SEMA5A: variants seen among roughly 807,000 people sequenced by gnomAD.
The protein encoded by SEMA5A is semaphorin-5A.
In SEMA5A, 55 loss-of-function variants were observed where a neutral mutation model predicts 135.5. The ratio of observed to expected loss-of-function variants is 0.41; its 90% CI spans 0.33 to 0.51. The LOEUF (loss-of-function observed/expected upper bound fraction) is 0.51, where lower values mean the gene tolerates loss of function less well. Ranked by LOEUF, SEMA5A falls within the 20% of genes least tolerant of loss-of-function variation. The pLI, the probability that SEMA5A is intolerant of heterozygous loss-of-function variation, is 0.37. For synonymous variants in SEMA5A, 580 were observed against 546.5 expected (o/e 1.06, Z -0.85); for missense variants, 1,290 against 1,419.9 (o/e 0.91, Z 1.47).
At chr5:9,224,296 C>T (rs1275760085) in intron 8 of SEMA5A, among the ~76,000 whole-genome samples, 1 of 152,016 alleles carries the variant, frequency 6.6e-6, no homozygotes, top group African/African-American at 2.4e-5. Flanking sequence ...AAATTACATG[C>T]CATGTTAGTA....
intron 3 of SEMA5A, among the ~76,000 whole-genome samples, chr5:9,376,220 G>A (rs925900975): frequency 5.3e-5 from 8 of 151,994 alleles, no homozygotes; most frequent in South Asian, 2.1e-4. Context: ...AGGCACCTCC[G>A]AATCCCCACT....
At chr5:9,322,471 C>T (rs1462779928) in intron 4 of SEMA5A, among the ~76,000 whole-genome samples, 1 of 152,076 alleles carries the variant, frequency 6.6e-6, no homozygotes, top group Non-Finnish European at 1.5e-5. Context: ...TCACCACATC[C>T]AATACCCCAG....
intron 5 of SEMA5A, among the ~76,000 whole-genome samples, chr5:9,240,000 C>T (rs1748114580): frequency 1.3e-5 from 2 of 151,894 alleles, no homozygotes; most frequent in African/African-American, 2.4e-5. Context: ...CTACCTAATG[C>T]CCAAATAGCC....
Position 9,106,954 on chromosome 5 carries a change from G to T in SEMA5A, c.2073+1186C>A, listed in dbSNP as rs1464406537. On this transcript the variant is annotated intron_variant, in intron 16 of 22. Transcript: ENST00000382496. ...AATAACAGAAATCTCCTTGGGTCTG[G>T]TGTAATATCTGACAAAGAACCTCAT... Among the ~76,000 whole-genome samples the T allele has an allele frequency of 2.6e-5, 4 of 152,250 alleles. No individual in the cohort carries two copies. In the East Asian group the frequency reaches 7.7e-4, roughly 29 times the overall value.
intron 8 of SEMA5A, among the ~76,000 whole-genome samples, chr5:9,215,316 T>G (rs1216059576): frequency 1.3e-5 from 2 of 152,218 alleles, no homozygotes; most frequent in Non-Finnish European, 2.9e-5. Context: ...GAGTATTTCT[T>G]CCTTTGGACA....
intron 5 of SEMA5A, among the ~76,000 whole-genome samples, chr5:9,313,789 T>C (rs1225516704): frequency 6.6e-6 from 1 of 152,062 alleles, no homozygotes; most frequent in Non-Finnish European, 1.5e-5. Flanking sequence ...AGGAAGAAGA[T>C]AAATAGGGTG....
Position 9,242,995 on chromosome 5 carries a change from C to A in SEMA5A, c.271-5105G>T, listed in dbSNP as rs1004352014. On this transcript the variant is annotated intron_variant, in intron 5 of 22. Coordinates refer to ENST00000382496, the MANE Select transcript of SEMA5A (RefSeq NM_003966.3). The stretch of plus-strand genomic sequence containing the variant: ...GATTTTCTTTCACATAATAACACCA[C>A]ATTAAACTTACATTGATAAGGAACT... Among the ~76,000 whole-genome samples, 3 of 152,180 alleles carry A rather than the reference C, an allele frequency of 2.0e-5. No individual in the cohort carries two copies. The South Asian group carries it at 6.2e-4, about 31-fold the overall frequency.
intron 3 of SEMA5A, among the ~76,000 whole-genome samples, chr5:9,364,888 A>G (rs938867572): frequency 2.6e-5 from 4 of 152,202 alleles, no homozygotes; most frequent in African/African-American, 2.4e-5. Context: ...TCTTCTTTGT[A>G]TCTCAGAATT....
intron 2 of SEMA5A, among the ~76,000 whole-genome samples, chr5:9,396,497 C>A (rs1467705267): frequency 6.6e-6 from 1 of 152,064 alleles, no homozygotes; most frequent in Non-Finnish European, 1.5e-5. Flanking sequence ...CCAGAGGATA[C>A]CTCTGCATAC....
At position 9,137,798 on chromosome 5, in the gene SEMA5A, C is replaced by T. The variant is rs142301357; in HGVS notation, c.1482-1177G>A. ...TGATGAGTTGTTCATATTTATAATA[C>T]AAAATAATCATTGTTAAAACACCAA... On this transcript the variant is annotated intron_variant, in intron 12 of 22. Transcript: ENST00000382496. Among the ~76,000 whole-genome samples, 42 of 152,238 alleles carry T rather than the reference C, an allele frequency of 2.8e-4. No individual in the cohort carries two copies. In the East Asian group the frequency reaches 6.9e-3, roughly 25 times the overall value.
At chr5:9,282,881 C>T (rs1258525605) in intron 5 of SEMA5A, among the ~76,000 whole-genome samples, 1 of 152,078 alleles carries the variant, frequency 6.6e-6, no homozygotes, top group Non-Finnish European at 1.5e-5. Flanking sequence ...AGATTGCTGG[C>T]AGAATGAAGG....
rs999850163 is a variant in SEMA5A at position 9,093,431 on chromosome 5, G to A, written c.2073+14709C>T. ...AGCAAGCTAAAAGAACTGAATGGCC[G>A]GGCGTGGTAGCTCATGCCTATAATC... On this transcript the variant is annotated intron_variant, in intron 16 of 22. Transcript: ENST00000382496. Among the ~76,000 whole-genome samples, 6 of 152,170 alleles carry A rather than the reference G, an allele frequency of 3.9e-5. No individual in the cohort carries two copies. The South Asian group carries it at 6.2e-4, about 16-fold the overall frequency.
intron 3 of SEMA5A, among the ~76,000 whole-genome samples, chr5:9,372,592 C>T (rs1331535460): frequency 6.6e-6 from 1 of 152,052 alleles, no homozygotes; most frequent in Non-Finnish European, 1.5e-5. Flanking sequence ...GAACCATAGA[C>T]AAGCATGGAG....
intron 20 of SEMA5A, 114 bp downstream of exon 20, chr5:9,051,759 T>C: frequency 7.7e-7 from 1 of 1,306,020 alleles, no homozygotes; most frequent in South Asian, 1.4e-5. Context: ...TGGGGCTTGA[T>C]GGAATCATCT....
chr5:9,255,798 T>C (rs990342847), intron 5 of SEMA5A, among the ~76,000 whole-genome samples: 1 of 152,200 alleles, frequency 6.6e-6, no homozygotes, highest in Non-Finnish European at 1.5e-5. Flanking sequence ...CTGGAAAGTA[T>C]TAATTCTTCC....
chr5:9,353,319 G>GAAAGGAAAGGGAAGGAAAGGA (rs1561177769), intron 3 of SEMA5A, among the ~76,000 whole-genome samples: 29 of 41,000 alleles, frequency 7.1e-4, no homozygotes, highest in Non-Finnish European at 1.2e-3. Context: ...GAAGGGAAAG[G>GAAAGGAAAGGGAAGGAAAGGA]AAGGAAAGGA....
chr5:9,199,824 T>C (rs1006895874), intron 9 of SEMA5A, among the ~76,000 whole-genome samples: 1 of 152,168 alleles, frequency 6.6e-6, no homozygotes, highest in African/African-American at 2.4e-5. Flanking sequence ...GAGACTCCAT[T>C]GTAGTAGCAC....
chr5:9,244,313 T>C (rs1748367559), intron 5 of SEMA5A, among the ~76,000 whole-genome samples: 1 of 152,192 alleles, frequency 6.6e-6, no homozygotes, highest in African/African-American at 2.4e-5. Context: ...TTCTGCCATG[T>C]CCAGGTACTT....
chr5:9,209,019 T>C (rs573039239), intron 8 of SEMA5A, among the ~76,000 whole-genome samples: 1 of 152,284 alleles, frequency 6.6e-6, no homozygotes, highest in Admixed American at 6.5e-5. Flanking sequence ...CTGGGGAATA[T>C]GACCCATTGA....
Sources: gnomAD v4.1 joint callset for allele counts (sites outside exome capture counted in the v4.1 genomes callset) on GRCh38, gnomAD v4.1.1 for gene constraint, MANE v1.5 for transcripts, NCBI Gene and HGNC (gene_info 2026-07-23, HGNC 2026-07-21) for gene names.